HSD17B4: variants seen among roughly 807,000 people sequenced by gnomAD.
HSD17B4 encodes the protein hydroxysteroid 17-beta dehydrogenase 4.
HSD17B4 carries 70 observed loss-of-function variants against 101.0 expected under a neutral mutation model. That is an observed-to-expected ratio of 0.69 (90% confidence interval 0.57 to 0.85). HSD17B4 has a LOEUF of 0.85. Ranked by LOEUF, HSD17B4 falls within the 40% of genes least tolerant of loss-of-function variation. The probability of loss-of-function intolerance (pLI) is 0.00; values close to 1 mark genes in which losing one functional copy is unlikely to be tolerated. For synonymous variants in HSD17B4, 347 were observed against 297.1 expected, an observed-to-expected ratio of 1.17 and a Z score of -1.73; for missense variants, 984 against 892.4, an observed-to-expected ratio of 1.10 and a Z score of -1.31.
intron 2 of HSD17B4, among the ~76,000 whole-genome samples, chr5:119,466,727 A>G (rs895518052): frequency 2.0e-5 from 3 of 151,692 alleles, no homozygotes; most frequent in African/African-American, 4.8e-5. Context: ...TTATCTTTTC[A>G]AAAAACCAAC....
At chr5:119,453,325 A>C (rs10478424) in intron 1 of HSD17B4, among the ~76,000 whole-genome samples, 4 of 152,058 alleles carry the variant, frequency 2.6e-5, no homozygotes, top group African/African-American at 9.7e-5. Flanking sequence ...ACTGGAGAGC[A>C]GAGAATTCCG....
intron 12 of HSD17B4, among the ~76,000 whole-genome samples, chr5:119,497,621 T>C (rs958260521): frequency 3.9e-5 from 6 of 152,196 alleles, no homozygotes; most frequent in Admixed American, 3.9e-4. Context: ...GCTTTAAACC[T>C]CTATGTTGAA....
intron 13 of HSD17B4, among the ~76,000 whole-genome samples, chr5:119,501,746 C>G (rs1408317843): frequency 1.3e-5 from 2 of 152,060 alleles, no homozygotes; most frequent in African/African-American, 4.8e-5. Context: ...GGGAATACAG[C>G]CTAGTTTATT....
intron 2 of HSD17B4, among the ~76,000 whole-genome samples, chr5:119,461,633 A>G (rs137963286): frequency 0.13 from 19,551 of 151,778 alleles, 1,342 homozygotes; most frequent in South Asian, 0.15. Context: ...TGTAATCCCA[A>G]CAGTTTGGGA....
chr5:119,477,572 A>C lies in HSD17B4; in HGVS notation c.434+71A>C. The C allele has an allele frequency of 3.0e-6, 3 of 996,714 alleles. No individual in the cohort carries two copies. In the South Asian group the frequency reaches 3.8e-5, roughly 13 times the overall value. 61.7% of individuals were successfully genotyped at this position (996,714 alleles called of 1,614,324 possible). On this transcript the variant is annotated intron_variant, in intron 7 of 23. Transcript: ENST00000510025. The stretch of plus-strand genomic sequence containing the variant: ...TGGGGGTTCTTGTGTACAGGGAAAG[A>C]TTATGTGAAGTGTTGTGAAATGATT...
At chr5:119,458,367 G>T (rs1357684172) in intron 2 of HSD17B4, among the ~76,000 whole-genome samples, 19 of 147,582 alleles carry the variant, frequency 1.3e-4, no homozygotes, top group Admixed American at 2.7e-4. Context: ...TTTTTGAGAT[G>T]GAGTCTTGCT....
chr5:119,539,719 C>T (rs550218183), intron 23 of HSD17B4, among the ~76,000 whole-genome samples: 15 of 151,736 alleles, frequency 9.9e-5, no homozygotes, highest in African/African-American at 2.7e-4. Flanking sequence ...TTATTTTTGC[C>T]TCATATTTTC....
In HSD17B4 at chr5:119,477,425, C is replaced by T. The variant is rs1748688721; in HGVS notation, c.358C>T (p.His120Tyr). The T allele has an allele frequency of 1.2e-6, 2 of 1,605,088 alleles. No homozygotes were observed. Among genetic ancestry groups the T allele is most frequent in the Non-Finnish European group, 1.7e-6 (2 of 1,172,096 alleles). The change falls in exon 7 of 24, where the codon CAC (histidine) becomes TAC (tyrosine). Residue 120 changes from histidine (H) to tyrosine (Y), a missense_variant. His to Tyr is a moderately conservative substitution (Grantham distance 83). Coordinates refer to ENST00000510025, the MANE Select transcript of HSD17B4 (RefSeq NM_000414.4). ...ATAATTTATTGTTTTAGATATAATCCACAGAGTTCATTTGCGGGGTTCATT... is the reference window on the plus strand; with the variant it reads ...ATAATTTATTGTTTTAGATATAATCTACAGAGTTCATTTGCGGGGTTCATT... ...RISDEDWDII[H>Y]RVHLRGSFQV... is the part of the protein sequence containing the mutation.
chr5:119,494,296 A>G (rs1358874629), intron 11 of HSD17B4, among the ~76,000 whole-genome samples: 1 of 150,616 alleles, frequency 6.6e-6, no homozygotes, highest in Non-Finnish European at 1.5e-5. Flanking sequence ...ATCTTACCAT[A>G]TTTTTCTCTT....
intron 19 of HSD17B4, 90 bp from the exon 20 acceptor site, chr5:119,527,043 T>G: frequency 1.3e-6 from 1 of 744,088 alleles, no homozygotes; most frequent in Non-Finnish European, 2.4e-6. Flanking sequence ...TTTTCTTTTG[T>G]GCTCTCTAGT....
intron 16 of HSD17B4, among the ~76,000 whole-genome samples, chr5:119,513,464 G>A (rs1275425416): frequency 1.3e-5 from 2 of 152,000 alleles, no homozygotes; most frequent in Non-Finnish European, 2.9e-5. Context: ...GCTCACTGCA[G>A]CCTCTGCCTC....
chr5:119,514,932 A>C (rs755294610), intron 16 of HSD17B4, 49 bp from the exon 17 acceptor site: 4 of 1,032,490 alleles, frequency 3.9e-6, no homozygotes, highest in Non-Finnish European at 4.6e-6. Context: ...GTTAAAGAGA[A>C]TAATGATAAT....
chr5:119,478,849 A>G lies in HSD17B4; in HGVS notation c.450A>G (p.Ser150=). ...KQKYGRIIMT[S]SASGIYGNFG... The stretch of plus-strand genomic sequence containing the variant: ...TTCTTTTTAGGATTATTATGACTTC[A>G]TCAGCTTCAGGAATATATGGCAACT... Residue 150 remains serine (S), a synonymous_variant, in exon 8 of 24, where the codon TCA becomes TCG. Transcript: ENST00000510025. The G allele has an allele frequency of 6.2e-7, 1 of 1,613,228 alleles. No individual in the cohort carries two copies.
chr5:119,497,283 G>C (rs967622725), intron 12 of HSD17B4, among the ~76,000 whole-genome samples: 1 of 152,142 alleles, frequency 6.6e-6, no homozygotes, highest in Non-Finnish European at 1.5e-5. Context: ...CTGCAATGCT[G>C]TTTGGAAATT....
intron 10 of HSD17B4, chr5:119,493,249 C>T (rs1223349311): frequency 6.5e-6 from 1 of 153,268 alleles, no homozygotes; most frequent in Admixed American, 6.5e-5. Flanking sequence ...TAAAAATTCT[C>T]CTTATGCAGC....
chr5:119,527,661 G>A (rs1561487423), intron 20 of HSD17B4, among the ~76,000 whole-genome samples: 3 of 151,510 alleles, frequency 2.0e-5, no homozygotes, highest in African/African-American at 7.3e-5. Context: ...AAACATGTTC[G>A]AAAAAAAATT....
intron 8 of HSD17B4, 55 bp from the exon 9 acceptor site, chr5:119,489,137 G>T (rs778647160): frequency 8.2e-5 from 99 of 1,214,256 alleles, no homozygotes; most frequent in Non-Finnish European, 1.1e-4. Context: ...TTATAAGTAA[G>T]AAATTCTTAG....
intron 16 of HSD17B4, 86 bp from the exon 17 acceptor site, chr5:119,514,895 C>T: frequency 2.4e-6 from 2 of 817,544 alleles, no homozygotes; most frequent in South Asian, 2.7e-5. Flanking sequence ...TGTATTGAAA[C>T]ATGATTGTGT....
chr5:119,493,871 A>G lies in HSD17B4; in HGVS notation c.793A>G (p.Thr265Ala), dbSNP rs1434797374. 2 of 1,612,780 alleles carry G rather than the reference A, an allele frequency of 1.2e-6. No individual in the cohort carries two copies. The highest frequency in any genetic ancestry group is 2.7e-5 in the African/African-American group (2 of 74,818). The change falls in exon 11 of 24, where the codon ACT (threonine) becomes GCT (alanine). Residue 265 changes from threonine to alanine, a missense_variant. Coordinates refer to ENST00000510025, the MANE Select transcript of HSD17B4 (RefSeq NM_000414.4). ...AIVRQKNHPM[T>A]PEAVKANWKK... ...TGTAAGACAAAAGAATCACCCAATG[A>G]CTCCTGAGGCAGTCAAGGCTAACTG...
Sources: allele counts gnomAD v4.1 joint callset (sites outside exome capture counted in the v4.1 genomes callset), GRCh38; gene constraint gnomAD v4.1.1; transcripts MANE v1.5; gene names NCBI Gene and HGNC (gene_info 2026-07-23, HGNC 2026-07-21).